The following PTPN14 variants were observed in gnomAD, a reference collection of about 807,000 sequenced individuals.
PTPN14 encodes tyrosine-protein phosphatase non-receptor type 14.
PTPN14 carries 53 observed loss-of-function variants against 126.8 expected under a neutral mutation model. That is an observed-to-expected ratio of 0.42 (90% CI 0.34 to 0.53). The LOEUF is 0.53. PTPN14 is among the 20% of genes least tolerant of loss of function. PTPN14 has a pLI of 0.08. For synonymous variants in PTPN14, 630 were observed against 599.3 expected, an observed-to-expected ratio of 1.05 and a Z score of -0.75; for missense variants, 1,257 against 1,552.9, an observed-to-expected ratio of 0.81 and a Z score of 3.20.
At chr1:214,380,333 A>T in intron 13 of PTPN14, among the ~76,000 whole-genome samples, 1 of 152,156 alleles carries the variant, frequency 6.6e-6, no homozygotes, top group East Asian at 1.9e-4. Context: ...CTTTCTCGGG[A>T]AAGGATTATT....
At chr1:214,503,906 A>T (rs1269751194) in intron 1 of PTPN14, among the ~76,000 whole-genome samples, 1 of 152,220 alleles carries the variant, frequency 6.6e-6, no homozygotes, top group East Asian at 1.9e-4. Context: ...AGTAAGGACA[A>T]GCCTAGAGCA....
At chr1:214,367,987 C>A (rs1264877821) in intron 17 of PTPN14, among the ~76,000 whole-genome samples, 1 of 152,184 alleles carries the variant, frequency 6.6e-6, no homozygotes, top group African/African-American at 2.4e-5. Flanking sequence ...AATATAACCA[C>A]ATTCTAAAAG....
intron 1 of PTPN14, among the ~76,000 whole-genome samples, chr1:214,503,269 G>A (rs1357488615): frequency 6.6e-6 from 1 of 152,174 alleles, no homozygotes; most frequent in Non-Finnish European, 1.5e-5. Flanking sequence ...AATATCTAAT[G>A]ACATGTAAGA....
chr1:214,426,731 A>C (rs1013043553), intron 3 of PTPN14, among the ~76,000 whole-genome samples: 4 of 152,200 alleles, frequency 2.6e-5, no homozygotes, highest in African/African-American at 9.6e-5. Flanking sequence ...AGACTTAAGA[A>C]CTTAAAACTC....
At chr1:214,503,991 G>A (rs372709692) in intron 1 of PTPN14, among the ~76,000 whole-genome samples, 1 of 152,140 alleles carries the variant, frequency 6.6e-6, no homozygotes, top group African/African-American at 2.4e-5. Flanking sequence ...GAAATAGTCA[G>A]GAAACTTGGG....
chr1:214,409,826 T>C (rs1659260831), intron 5 of PTPN14, among the ~76,000 whole-genome samples: 1 of 152,158 alleles, frequency 6.6e-6, no homozygotes, highest in Non-Finnish European at 1.5e-5. Context: ...TTATTGTTCA[T>C]CTTTTTGATA....
At position 214,457,526 on chromosome 1, in the gene PTPN14, A is replaced by C. The variant is rs571703594; in HGVS notation, c.175-5552T>G. Among the ~76,000 whole-genome samples the C allele has an allele frequency of 9.9e-5, 15 of 152,282 alleles. No individual in the cohort carries two copies. In the East Asian group the frequency reaches 2.9e-3, roughly 29 times the overall value. On this transcript the variant is annotated intron_variant, in intron 2 of 18. Coordinates refer to ENST00000366956, the MANE Select transcript of PTPN14 (RefSeq NM_005401.5). ...ATCCTTCTTCCACTTGTTAAGTTAAAAGTAGAGCCAAGGTTATTCTAGCAT... is the reference window on the plus strand; with the variant it reads ...ATCCTTCTTCCACTTGTTAAGTTAACAGTAGAGCCAAGGTTATTCTAGCAT...
chr1:214,378,048 A>T lies in PTPN14; in HGVS notation c.2599T>A (p.Leu867Met), dbSNP rs1459149729. 6.2e-7 allele frequency: 1 copy of T among 1,612,746 alleles called. No homozygotes were observed. The highest frequency in any genetic ancestry group is 1.3e-5 in the African/African-American group (1 of 74,968). ...ACCGAGAGCCCATTCAATGCTGCCA[A>T]CATCAGCGGCCTCTTCTGTGCCTCC... ...GLEAQKRPLM[L>M]AALNGLSVAR... The change falls in exon 14 of 19, where the codon TTG becomes ATG. Residue 867 changes from leucine to methionine, a missense_variant. Transcript: ENST00000366956.
intron 1 of PTPN14, among the ~76,000 whole-genome samples, chr1:214,495,131 G>A (rs2102422872): frequency 6.6e-6 from 1 of 152,282 alleles, no homozygotes; most frequent in Non-Finnish European, 1.5e-5. Flanking sequence ...CTAGTGAAAA[G>A]CTTGGGATCT....
At position 214,364,377 on chromosome 1, in the gene PTPN14, C is replaced by G. The variant is rs568793985; in HGVS notation, c.3435+135G>C. On this transcript the variant is annotated intron_variant, in intron 18 of 18. Transcript: ENST00000366956. This position sits in a 1 kb window ranked among gnomAD's most constrained non-coding sequence, Gnocchi z 4.1. The stretch of plus-strand genomic sequence containing the variant: ...GTAAATGTCAGAGTCAAACTAGGAA[C>G]CAGGAGCCTGGAAAACTCTGGTTGG... 505 of 1,177,262 alleles carry G rather than the reference C, an allele frequency of 4.3e-4. No homozygotes were observed. The highest frequency in any genetic ancestry group is 5.5e-4 in the Non-Finnish European group (467 of 844,930). 72.9% of individuals were successfully genotyped at this position (1,177,262 alleles called of 1,614,324 possible). A position where few individuals can be genotyped will look rare whatever the true frequency, so the allele number is the denominator to read the frequency against.
chr1:214,395,980 T>C (rs1658869513), intron 8 of PTPN14, among the ~76,000 whole-genome samples: 1 of 152,094 alleles, frequency 6.6e-6, no homozygotes, highest in African/African-American at 2.4e-5. Flanking sequence ...CATTGCATTA[T>C]AATTTTTACT....
At chr1:214,532,739 A>G in intron 1 of PTPN14, 4 of 786,916 alleles carry the variant, frequency 5.1e-6, no homozygotes, top group Non-Finnish European at 9.1e-6. Context: ...GGGCTCTGCA[A>G]GGTCACTGAT....
At chr1:214,417,933 C>A (rs1411725843) in intron 3 of PTPN14, among the ~76,000 whole-genome samples, 1 of 152,156 alleles carries the variant, frequency 6.6e-6, no homozygotes, top group Non-Finnish European at 1.5e-5. Flanking sequence ...GGTCATACTA[C>A]CACCCTAGGA....
intron 1 of PTPN14, among the ~76,000 whole-genome samples, chr1:214,504,567 A>T (rs552081063): frequency 6.6e-6 from 1 of 152,284 alleles, no homozygotes; most frequent in South Asian, 2.1e-4. Context: ...CACAGAGGTG[A>T]TGTCCCAGCC....
Position 214,349,809 on chromosome 1 carries a change from A to G in PTPN14, c.*8113T>C, listed in dbSNP as rs183134294. ...AAAGGAAATTGCAGTAAAATTGTAC[A>G]ATGTTCAAGTTGAAAAAAAAAATGG... On this transcript the variant is annotated 3_prime_UTR_variant, in exon 19 of 19. Coordinates refer to ENST00000366956, the MANE Select transcript of PTPN14 (RefSeq NM_005401.5). The G allele has an allele frequency of 1.3e-5, 2 of 152,266 alleles. No homozygotes were observed. The highest frequency in any genetic ancestry group is 1.3e-4 in the Admixed American group (2 of 15,304). 9.4% of individuals were successfully genotyped at this position (152,266 alleles called of 1,614,324 possible). A position where few individuals can be genotyped will look rare whatever the true frequency, so the allele number is the denominator to read the frequency against.
intron 1 of PTPN14, among the ~76,000 whole-genome samples, chr1:214,511,849 T>C (rs143574637): frequency 6.6e-6 from 1 of 152,358 alleles, no homozygotes; most frequent in African/African-American, 2.4e-5. Context: ...TGATACATGC[T>C]ACAACATGGA....
intron 3 of PTPN14, among the ~76,000 whole-genome samples, chr1:214,430,269 T>G (rs979757476): frequency 6.6e-6 from 1 of 152,194 alleles, no homozygotes; most frequent in Non-Finnish European, 1.5e-5. Flanking sequence ...TTGGGAGAGA[T>G]AACAGGCTTA....
At chr1:214,516,490 G>C (rs1402218842) in intron 1 of PTPN14, among the ~76,000 whole-genome samples, 1 of 152,186 alleles carries the variant, frequency 6.6e-6, no homozygotes, top group African/African-American at 2.4e-5. Context: ...CAGAAAGCTA[G>C]CATTCCTATA....
At position 214,384,751 on chromosome 1, in the gene PTPN14, G is replaced by C. The variant is rs373126145; in HGVS notation, c.1104C>G (p.Cys368Trp). The C allele has an allele frequency of 1.9e-6, 3 of 1,613,700 alleles. No homozygotes were observed. The highest frequency in any genetic ancestry group is 2.7e-5 in the African/African-American group (2 of 74,902). The change falls in exon 13 of 19, where the codon TGC becomes TGG. Residue 368 changes from cysteine (C) to tryptophan (W), a missense_variant. Cys to Trp is a radical substitution (Grantham distance 215, BLOSUM62 -2). This residue lies in a region of PTPN14 where 1,021 missense variants were observed against 1,183.3 expected (regional missense o/e 0.86). Transcript: ENST00000366956. This position sits in a 1 kb window ranked among gnomAD's most constrained non-coding sequence, Gnocchi z 5.3. ...TTAAGTCCAGGCTGTTGTGAGAGTT[G>C]CAATACAAGGCTTCTTCATTCCCAT... ...IFHGNEEALY[C>W]NSHNSLDLNY...
Sources: allele counts gnomAD v4.1 joint callset (sites outside exome capture counted in the v4.1 genomes callset), GRCh38; gene constraint gnomAD v4.1.1; regional missense constraint gnomAD v4.1.1; non-coding constraint Gnocchi (gnomAD v3.1); transcripts MANE v1.5; gene names NCBI Gene and HGNC (gene_info 2026-07-23, HGNC 2026-07-21).